Variants in SOX6 observed in about 807,000 individuals in gnomAD.
SOX6 encodes the protein transcription factor SOX-6.
SOX6 carries 11 observed loss-of-function variants against 97.8 expected under a neutral mutation model. The observed-to-expected ratio is 0.11, with a 90% CI of 0.07 to 0.19. The LOEUF is 0.19. Among genes scored for constraint, SOX6 ranks in the 10% least tolerant of loss-of-function variants. The probability of loss-of-function intolerance (pLI) is 1.00; values close to 1 mark genes in which losing one functional copy is unlikely to be tolerated. For missense variants in SOX6, 810 were observed against 1,039.5 expected, an observed-to-expected ratio of 0.78 and a Z score of 3.04; for synonymous variants, 360 against 371.4, an observed-to-expected ratio of 0.97 and a Z score of 0.35.
intron 4 of SOX6, among the ~76,000 whole-genome samples, chr11:16,213,476 G>C (rs1172355919): frequency 6.6e-6 from 1 of 151,990 alleles, no homozygotes; most frequent in Non-Finnish European, 1.5e-5. Context: ...AAAAACATGA[G>C]TATTAAATAC....
intron 4 of SOX6, among the ~76,000 whole-genome samples, chr11:16,499,685 T>C (rs1023332378): frequency 1.3e-5 from 2 of 152,194 alleles, no homozygotes; most frequent in Admixed American, 6.5e-5. Context: ...TCAACACCTC[T>C]ATGCAAATAA....
At chr11:16,141,320 A>G (rs1219880472) in intron 6 of SOX6, among the ~76,000 whole-genome samples, 4 of 152,184 alleles carry the variant, frequency 2.6e-5, no homozygotes, top group Non-Finnish European at 5.9e-5. Flanking sequence ...TAAAAAGGCG[A>G]TGAGACAAGT....
chr11:15,998,706 C>T (rs1340124344), intron 13 of SOX6, among the ~76,000 whole-genome samples: 2 of 151,882 alleles, frequency 1.3e-5, no homozygotes, highest in African/African-American at 2.4e-5. Flanking sequence ...CAACAAATAC[C>T]GCCAGAACAA....
intron 3 of SOX6, among the ~76,000 whole-genome samples, chr11:16,239,679 A>G (rs555224896): frequency 3.4e-4 from 51 of 152,202 alleles, no homozygotes; most frequent in Middle Eastern, 3.4e-3. Flanking sequence ...TTTCCCATAC[A>G]GCAGGGCAAT....
chr11:16,151,312 A>AT (rs1850452614), intron 6 of SOX6, among the ~76,000 whole-genome samples: 1 of 152,168 alleles, frequency 6.6e-6, no homozygotes, highest in Non-Finnish European at 1.5e-5. Context: ...AACGAAAGTG[A>AT]TTAAGAAATG....
At chr11:16,683,637 A>G (rs956831884) in intron 3 of SOX6, among the ~76,000 whole-genome samples, 1 of 152,358 alleles carries the variant, frequency 6.6e-6, no homozygotes, top group South Asian at 2.1e-4. Flanking sequence ...AAACCCTAGA[A>G]GAAAACCTAG....
At chr11:16,338,125 G>A (rs573800737) in intron 2 of SOX6, among the ~76,000 whole-genome samples, 3 of 152,118 alleles carry the variant, frequency 2.0e-5, no homozygotes, top group South Asian at 2.1e-4. Context: ...AATAACAATG[G>A]AAACTGTATA....
intron 4 of SOX6, among the ~76,000 whole-genome samples, chr11:16,208,865 A>G (rs781174487): frequency 2.6e-5 from 4 of 152,258 alleles, no homozygotes; most frequent in Non-Finnish European, 5.9e-5. Context: ...TTTTAATATC[A>G]TGTAATAAAA....
intron 4 of SOX6, among the ~76,000 whole-genome samples, chr11:16,222,973 G>A (rs755453207): frequency 1.1e-4 from 16 of 151,922 alleles, no homozygotes; most frequent in African/African-American, 3.9e-4. Flanking sequence ...CCTACAGTAC[G>A]AATTATGCAG....
chr11:16,624,334 C>A (rs1025178475), intron 3 of SOX6, among the ~76,000 whole-genome samples: 1 of 151,888 alleles, frequency 6.6e-6, no homozygotes, highest in African/African-American at 2.4e-5. Flanking sequence ...ACTACAAGTG[C>A]GTGCCACCAC....
At chr11:16,303,837 G>A (rs78297511) in intron 3 of SOX6, among the ~76,000 whole-genome samples, 206 of 152,244 alleles carry the variant, frequency 1.4e-3, no homozygotes, top group African/African-American at 4.9e-3. Flanking sequence ...TCCTGCACAT[G>A]TTGTTAAGTG....
intron 3 of SOX6, among the ~76,000 whole-genome samples, chr11:16,681,869 G>C (rs1220205166): frequency 2.6e-5 from 4 of 152,154 alleles, no homozygotes; most frequent in Admixed American, 2.6e-4. Flanking sequence ...TAGAAGAAAT[G>C]GATAAATTCC....
intron 4 of SOX6, among the ~76,000 whole-genome samples, chr11:16,525,470 C>A (rs896794876): frequency 1.3e-5 from 2 of 151,990 alleles, no homozygotes; most frequent in Non-Finnish European, 2.9e-5. Context: ...ACACCTTATA[C>A]AAAAATCAAT....
rs1195254647 is a variant in SOX6, at chr11:16,729,989, G to A, written n.353+6350C>T. Reference sequence around the variant, plus strand: ...AAGACAAAGAAGGGCATTACATAATGGTAAAGGAATCAATGCAACAAGAAG... The same window carrying A: ...AAGACAAAGAAGGGCATTACATAATAGTAAAGGAATCAATGCAACAAGAAG... On this transcript the variant is annotated intron_variant and non_coding_transcript_variant, in intron 2 of 5. Transcript: ENST00000524520. 1.7e-4 allele frequency among the ~76,000 whole-genome samples: 25 copies of A among 149,516 alleles called. 1 individual carries two copies. The highest frequency in any genetic ancestry group is 1.0e-3 in the Admixed American group (15 of 14,840).
intron 4 of SOX6, among the ~76,000 whole-genome samples, chr11:16,233,134 T>G (rs1852909793): frequency 6.6e-6 from 1 of 152,182 alleles, no homozygotes; most frequent in Admixed American, 6.6e-5. Context: ...TATTATCAAA[T>G]TTTCATCTTA....
intron 4 of SOX6, among the ~76,000 whole-genome samples, chr11:16,509,421 C>A (rs951071202): frequency 2.0e-5 from 3 of 151,932 alleles, no homozygotes; most frequent in African/African-American, 4.8e-5. Flanking sequence ...TCCCTCGAGT[C>A]AGTACAACTG....
At chr11:16,466,215 C>T (rs1027406599) in intron 1 of SOX6, among the ~76,000 whole-genome samples, 8 of 152,150 alleles carry the variant, frequency 5.3e-5, no homozygotes, top group African/African-American at 1.9e-4. Flanking sequence ...CATTTTTATG[C>T]TTTGGAGCTA....
chr11:16,150,250 A>G (rs965289970), intron 6 of SOX6, among the ~76,000 whole-genome samples: 2 of 152,288 alleles, frequency 1.3e-5, no homozygotes, highest in Non-Finnish European at 2.9e-5. Flanking sequence ...GGGAAGAACT[A>G]CTTTTATAAG....
At chr11:16,093,228 T>C (rs1197216557) in intron 9 of SOX6, among the ~76,000 whole-genome samples, 1 of 151,958 alleles carries the variant, frequency 6.6e-6, no homozygotes, top group Admixed American at 6.6e-5. Flanking sequence ...TTCAGATATA[T>C]GAGTATTCAT....
Sources: allele counts gnomAD v4.1 joint callset (sites outside exome capture counted in the v4.1 genomes callset), GRCh38; gene constraint gnomAD v4.1.1; transcripts MANE v1.5; gene names NCBI Gene and HGNC (gene_info 2026-07-23, HGNC 2026-07-21).